The following RANBP3 variants were observed in gnomAD, a reference collection of about 807,000 sequenced individuals.
RANBP3 encodes the protein ran-binding protein 3.
In RANBP3, 14 loss-of-function variants were observed where a neutral mutation model predicts 77.3. That is an observed-to-expected ratio of 0.18 (90% CI 0.12 to 0.28). The LOEUF (loss-of-function observed/expected upper bound fraction) is 0.28. Ranked by LOEUF, RANBP3 falls within the 10% of genes least tolerant of loss-of-function variation. RANBP3 has a pLI of 1.00. For synonymous variants in RANBP3, 315 were observed against 312.4 expected (o/e 1.01, Z -0.09); for missense variants, 586 against 752.3 (o/e 0.78, Z 2.59).
At chr19:5,925,543 G>C in intron 10 of RANBP3, 91 bp downstream of exon 10, 1 of 1,131,470 alleles carries the variant, frequency 8.8e-7, no homozygotes, top group Non-Finnish European at 1.3e-6. Flanking sequence ...GCCTGAGTCG[G>C]GCACGGGGAC....
At chr19:5,939,299 C>A (rs1421003854) in intron 5 of RANBP3, among the ~76,000 whole-genome samples, 2 of 152,216 alleles carry the variant, frequency 1.3e-5, no homozygotes, top group Non-Finnish European at 2.9e-5. Context: ...TGCAACCAGG[C>A]CCTGCTTGCA....
chr19:5,972,453 C>T (rs910902744), intron 1 of RANBP3, among the ~76,000 whole-genome samples: 2 of 152,114 alleles, frequency 1.3e-5, no homozygotes, highest in African/African-American at 2.4e-5. Context: ...AACAGAACAC[C>T]GCTCCACCAG....
intron 7 of RANBP3, 52 bp from the exon 8 acceptor site, chr19:5,931,583 C>A: frequency 6.4e-7 from 1 of 1,563,032 alleles, no homozygotes; most frequent in Non-Finnish European, 8.7e-7. Flanking sequence ...GGCCCTCCCA[C>A]CCCCACTCAC....
rs529354798 is a variant in RANBP3 at position 5,926,663 on chromosome 19, A to G, written c.814-926T>C. On this transcript the variant is annotated intron_variant, in intron 9 of 16. Coordinates refer to ENST00000340578, the MANE Select transcript of RANBP3 (RefSeq NM_007322.3). ...CTGACTTCTGCAAGAAGCCAACCCCACCAAATTCAAAGCAGCTGTCTCCCC... is the reference window on the plus strand; with the variant it reads ...CTGACTTCTGCAAGAAGCCAACCCCGCCAAATTCAAAGCAGCTGTCTCCCC... Among the ~76,000 whole-genome samples, 8 of 152,214 alleles carry G rather than the reference A, an allele frequency of 5.3e-5. No individual in the cohort carries two copies. The South Asian group carries it at 1.7e-3, about 32-fold the overall frequency.
At chr19:5,933,341 C>T in intron 6 of RANBP3, 73 bp downstream of exon 6, 2 of 1,245,096 alleles carry the variant, frequency 1.6e-6, no homozygotes, top group Middle Eastern at 1.9e-4. Context: ...CCCGCGGTGC[C>T]CTGGTGTGGC....
chr19:5,920,966 T>G, intron 14 of RANBP3: 3 of 366,134 alleles, frequency 8.2e-6, no homozygotes, highest in Non-Finnish European at 1.5e-5. Flanking sequence ...TTGTCCATTT[T>G]GACACTAAGA....
At position 5,964,445 on chromosome 19, in the gene RANBP3, C is replaced by T. The variant is rs528562159; in HGVS notation, c.23-6472G>A. Among the ~76,000 whole-genome samples, 7 of 152,270 alleles carry T rather than the reference C, an allele frequency of 4.6e-5. No homozygotes were observed. The South Asian group carries it at 1.5e-3, about 32-fold the overall frequency. On this transcript the variant is annotated intron_variant, in intron 1 of 16. Coordinates refer to ENST00000340578, the MANE Select transcript of RANBP3 (RefSeq NM_007322.3). ...AGATTCAATCCTAATATTCCCTCAG[C>T]AATTCCACACATCCCAGCACCCACT...
intron 1 of RANBP3, among the ~76,000 whole-genome samples, chr19:5,969,313 C>G (rs1261483350): frequency 1.3e-5 from 2 of 152,210 alleles, no homozygotes; most frequent in African/African-American, 2.4e-5. Context: ...CCCTCTCCCC[C>G]AGAGAAAGGC....
chr19:5,957,890 G>A (rs369142421), intron 2 of RANBP3, 28 bp downstream of exon 2: 1 of 1,612,020 alleles, frequency 6.2e-7, no homozygotes, highest in Admixed American at 1.7e-5. Context: ...GAGTAACGAA[G>A]TGAAGAGAGA....
chr19:5,934,083 T>C (rs967725210), intron 5 of RANBP3: 1 of 152,076 alleles, frequency 6.6e-6, no homozygotes, highest in Non-Finnish European at 1.5e-5. Flanking sequence ...TGGGCCAGAG[T>C]CCGGGCTGAC....
chr19:5,940,627 A>G (rs78858721), intron 5 of RANBP3, among the ~76,000 whole-genome samples: 44 of 152,356 alleles, frequency 2.9e-4, no homozygotes, highest in Non-Finnish European at 5.7e-4. Context: ...CGCATGCGTG[A>G]CTTCTGTAAG....
rs1433636541 is a variant in RANBP3, at chr19:5,952,800, A to G, written c.79-1204T>C. 6.6e-6 allele frequency among the ~76,000 whole-genome samples: 1 copy of G among 152,222 alleles called. No homozygotes were observed. The highest frequency in any genetic ancestry group is 2.4e-5 in the African/African-American group (1 of 41,458). Reference sequence around the variant, plus strand: ...AGCAATCTTCACTCAAAAGTAATCAAGGGGACACTGTCGCCTCTTCGTATC... The same window carrying G: ...AGCAATCTTCACTCAAAAGTAATCAGGGGGACACTGTCGCCTCTTCGTATC... On this transcript the variant is annotated intron_variant, in intron 2 of 16. Transcript: ENST00000340578. The surrounding 1 kb of genome is among the most constrained non-coding windows in gnomAD (Gnocchi z 4.1).
intron 1 of RANBP3, among the ~76,000 whole-genome samples, chr19:5,960,703 C>T (rs893528433): frequency 2.0e-5 from 3 of 152,262 alleles, no homozygotes; most frequent in African/African-American, 4.8e-5. Context: ...GAGGAGTGCG[C>T]GCTGGTGTTG....
intron 1 of RANBP3, among the ~76,000 whole-genome samples, chr19:5,977,656 G>A (rs1051136983): frequency 1.3e-5 from 2 of 152,276 alleles, no homozygotes; most frequent in African/African-American, 4.8e-5. Context: ...GCCGGGTGGC[G>A]GAGGACGAGG....
chr19:5,966,366 T>C (rs1488458150), intron 1 of RANBP3, among the ~76,000 whole-genome samples: 1 of 152,162 alleles, frequency 6.6e-6, no homozygotes, highest in Non-Finnish European at 1.5e-5. Flanking sequence ...TGCAATCCTT[T>C]AAGGTTGTCA....
chr19:5,936,700 C>G (rs139853159), intron 5 of RANBP3, among the ~76,000 whole-genome samples: 1 of 152,158 alleles, frequency 6.6e-6, no homozygotes, highest in East Asian at 1.9e-4. Flanking sequence ...ACAACGGGGA[C>G]CTGCCTGACA....
intron 9 of RANBP3, 94 bp from the exon 10 acceptor site, chr19:5,925,831 C>G (rs2057900503): frequency 7.0e-6 from 7 of 1,004,540 alleles, no homozygotes; most frequent in South Asian, 6.6e-5. Flanking sequence ...CTGCATGGAG[C>G]TGCTCGGAGC....
In RANBP3 at chr19:5,924,607, G is replaced by A. The variant is rs768325957; in HGVS notation, c.996+220C>T. On this transcript the variant is annotated intron_variant, in intron 11 of 16. Transcript: ENST00000340578. The surrounding 1 kb of genome is among the most constrained non-coding windows in gnomAD (Gnocchi z 4.7). ...GGATGAAGTTGGCCCTGGTCAGCAC[G>A]GAGGAGCCGGGAAAAGCGAATGCCA... 6.6e-6 allele frequency among the ~76,000 whole-genome samples: 1 copy of A among 152,258 alleles called. No homozygotes were observed. Among genetic ancestry groups the A allele is most frequent in the African/African-American group, 2.4e-5 (1 of 41,468 alleles).
intron 3 of RANBP3, among the ~76,000 whole-genome samples, chr19:5,946,143 G>C (rs1051643158): frequency 5.9e-5 from 9 of 152,098 alleles, no homozygotes; most frequent in Non-Finnish European, 1.2e-4. Flanking sequence ...CCACCTCTAG[G>C]GTAAGTTCAT....
Sources: allele counts gnomAD v4.1 joint callset (sites outside exome capture counted in the v4.1 genomes callset), GRCh38; gene constraint gnomAD v4.1.1; non-coding constraint Gnocchi (gnomAD v3.1); transcripts MANE v1.5; gene names NCBI Gene and HGNC (gene_info 2026-07-23, HGNC 2026-07-21).